Variants in STX8 observed in about 807,000 individuals in gnomAD.
STX8 encodes the protein syntaxin 8.
A neutral mutation model predicts 37.5 loss-of-function variants in STX8; 23 were observed. That is an observed-to-expected ratio of 0.61 (90% CI 0.44 to 0.87). The LOEUF is 0.87. STX8 is among the 40% of genes least tolerant of loss of function. The probability of loss-of-function intolerance (pLI) is 0.00; values close to 1 mark genes in which losing one functional copy is unlikely to be tolerated. For missense variants in STX8, 313 were observed against 284.7 expected (o/e 1.10, Z -0.71); for synonymous variants, 115 against 99.1 (o/e 1.16, Z -0.95).
chr17:9,496,072 TCTC>T (rs1904386872), intron 5 of STX8, among the ~76,000 whole-genome samples: 2 of 53,622 alleles, frequency 3.7e-5, no homozygotes, highest in African/African-American at 9.6e-5. Context: ...TCTTTTTCTT[TCTC>T]TTTTTTTTTT....
At chr17:9,363,619 C>A (rs1911136098) in intron 7 of STX8, among the ~76,000 whole-genome samples, 1 of 152,088 alleles carries the variant, frequency 6.6e-6, no homozygotes, top group Non-Finnish European at 1.5e-5. Context: ...AAAACGCGTA[C>A]AAACATGTAC....
At chr17:9,418,211 T>C (rs925803886) in intron 6 of STX8, among the ~76,000 whole-genome samples, 3 of 151,948 alleles carry the variant, frequency 2.0e-5, no homozygotes, top group African/African-American at 7.3e-5. Context: ...CACAGCCAAG[T>C]GGTGGCAAGG....
chr17:9,565,605 A>T (rs1597747618), intron 2 of STX8, among the ~76,000 whole-genome samples: 2 of 84,838 alleles, frequency 2.4e-5, no homozygotes, highest in East Asian at 6.8e-4. Flanking sequence ...GAGAAGAAAC[A>T]CCGTCTCAAA....
chr17:9,341,784 A>T (rs8071759), intron 7 of STX8, among the ~76,000 whole-genome samples: 80,718 of 152,000 alleles, frequency 0.53, 22,024 homozygotes, highest in African/African-American at 0.64. Context: ...GTTGAACAGC[A>T]ACTGAGGGGA....
intron 7 of STX8, among the ~76,000 whole-genome samples, chr17:9,280,027 C>T (rs1450383422): frequency 6.6e-6 from 1 of 152,090 alleles, no homozygotes; most frequent in African/African-American, 2.4e-5. Flanking sequence ...TTGAGACCAG[C>T]CTGGGCAACA....
At chr17:9,252,478 G>A (rs1340340920) in intron 7 of STX8, among the ~76,000 whole-genome samples, 1 of 150,308 alleles carries the variant, frequency 6.7e-6, no homozygotes, top group Admixed American at 6.6e-5. Flanking sequence ...GTGTGGTGGT[G>A]GGTGCCTGTA....
At chr17:9,400,798 TC>T (rs1279600707) in intron 6 of STX8, among the ~76,000 whole-genome samples, 1 of 152,264 alleles carries the variant, frequency 6.6e-6, no homozygotes, top group Non-Finnish European at 1.5e-5. Context: ...CTCTGTTGTA[TC>T]TTGTTGGTTA....
chr17:9,268,984 G>A (rs930769250), intron 7 of STX8, among the ~76,000 whole-genome samples: 3 of 152,070 alleles, frequency 2.0e-5, no homozygotes, highest in Non-Finnish European at 2.9e-5. Context: ...TCAGCAGATC[G>A]AGACCATCCT....
intron 6 of STX8, among the ~76,000 whole-genome samples, chr17:9,431,412 T>C (rs1458968095): frequency 1.3e-5 from 2 of 151,014 alleles, no homozygotes; most frequent in East Asian, 3.9e-4. Context: ...GAGCATCTCA[T>C]TGGGTAGCAG....
chr17:9,461,032 C>T (rs1905361768), intron 6 of STX8, among the ~76,000 whole-genome samples: 1 of 151,670 alleles, frequency 6.6e-6, no homozygotes, highest in Admixed American at 6.6e-5. Context: ...GTTTCCAACC[C>T]CTGCTTTGGG....
chr17:9,366,102 T>C (rs967594156), intron 7 of STX8, among the ~76,000 whole-genome samples: 2 of 152,228 alleles, frequency 1.3e-5, no homozygotes, highest in African/African-American at 4.8e-5. Context: ...TTTCCACGCC[T>C]CTCAGCAAGC....
intron 7 of STX8, among the ~76,000 whole-genome samples, chr17:9,359,709 C>T (rs995727738): frequency 6.6e-5 from 10 of 151,870 alleles, no homozygotes; most frequent in Non-Finnish European, 1.2e-4. Flanking sequence ...AGGGTTTCAC[C>T]GTGTTAGCCA....
chr17:9,536,458 T>C (rs1206020062), intron 4 of STX8, among the ~76,000 whole-genome samples: 1 of 152,294 alleles, frequency 6.6e-6, no homozygotes, highest in Non-Finnish European at 1.5e-5. Context: ...AGCAGGGTAA[T>C]CTGTTATATG....
intron 7 of STX8, among the ~76,000 whole-genome samples, chr17:9,368,217 T>C (rs936038547): frequency 5.9e-5 from 9 of 151,918 alleles, no homozygotes; most frequent in Admixed American, 3.9e-4. Flanking sequence ...AAAGAAAACA[T>C]TGATGGGCCA....
intron 6 of STX8, among the ~76,000 whole-genome samples, chr17:9,489,691 C>CTTTTTTTTTTTT (rs4063411): frequency 7.9e-6 from 1 of 127,388 alleles, no homozygotes; most frequent in Non-Finnish European, 1.6e-5. Flanking sequence ...GCTTACTTTC[C>CTTTTTTTTTTTT]TTTTTTTTTT....
intron 6 of STX8, among the ~76,000 whole-genome samples, chr17:9,481,227 C>CA (rs1477997681): frequency 6.6e-6 from 1 of 152,136 alleles, no homozygotes; most frequent in East Asian, 1.9e-4. Context: ...TAAAGTGCCT[C>CA]ATGCCACCAG....
At chr17:9,305,101 T>C (rs1908928795) in intron 7 of STX8, among the ~76,000 whole-genome samples, 1 of 151,686 alleles carries the variant, frequency 6.6e-6, no homozygotes, top group South Asian at 2.1e-4. Context: ...TTATTATTAT[T>C]ATTATTTTTT....
rs1217019833 is a variant in STX8, at chr17:9,311,236, C to CA, written c.644-60592dup. ...TGGTAGACAGAGCAAGACTCCGTCT[C>CA]AAAAAAAAAAAAAAAAAGAGGAGAA... is the stretch of plus-strand genomic sequence containing the variant. On this transcript the variant is annotated intron_variant, in intron 7 of 7. Transcript: ENST00000306357. Among the ~76,000 whole-genome samples, 730 of 82,844 alleles carry CA rather than the reference C, an allele frequency of 8.8e-3. 1 individual carries two copies. Among genetic ancestry groups the CA allele is most frequent in the Middle Eastern group, 0.055 (7 of 128 alleles). The allele number at this position is 82,844 out of a possible 152,430, so 54.3% of individuals were successfully genotyped here. A position where few individuals can be genotyped will look rare whatever the true frequency, so the allele number is the denominator to read the frequency against.
chr17:9,459,357 A>T (rs1186298568), intron 6 of STX8, among the ~76,000 whole-genome samples: 1 of 152,216 alleles, frequency 6.6e-6, no homozygotes, highest in Non-Finnish European at 1.5e-5. Flanking sequence ...AGGTGACACA[A>T]GTGTCTCCAG....
Sources: gnomAD v4.1 joint callset for allele counts (sites outside exome capture counted in the v4.1 genomes callset) on GRCh38, gnomAD v4.1.1 for gene constraint, MANE v1.5 for transcripts, NCBI Gene and HGNC (gene_info 2026-07-23, HGNC 2026-07-21) for gene names.